The following ADAMTSL3 variants were observed in gnomAD, a reference collection of about 807,000 sequenced individuals.
The protein encoded by ADAMTSL3 is ADAMTS-like protein 3.
Under a neutral mutation model 201.7 loss-of-function variants are expected in ADAMTSL3, and 128 were observed. The observed-to-expected ratio is 0.63, with a 90% CI of 0.55 to 0.73. The LOEUF (loss-of-function observed/expected upper bound fraction) is 0.73. ADAMTSL3 is among the 30% of genes least tolerant of loss of function. The probability of loss-of-function intolerance (pLI) is 0.00; values close to 1 mark genes in which losing one functional copy is unlikely to be tolerated. For missense variants in ADAMTSL3, 1,990 were observed against 2,119.6 expected (o/e 0.94, Z 1.20); for synonymous variants, 738 against 748.4 (o/e 0.99, Z 0.23).
At chr15:83,977,720 G>A (rs1327779771) in intron 20 of ADAMTSL3, among the ~76,000 whole-genome samples, 3 of 152,198 alleles carry the variant, frequency 2.0e-5, no homozygotes, top group Non-Finnish European at 4.4e-5. Flanking sequence ...GTCACTAGGG[G>A]GCCCTTGGTT....
rs371646287 is a variant in ADAMTSL3, at chr15:83,688,753, T to TACACAC, written c.70-15635_70-15634insCACACA. 9.3e-3 allele frequency among the ~76,000 whole-genome samples: 1,373 copies of TACACAC among 147,636 alleles called. 10 individuals are homozygous for TACACAC. The highest frequency in any genetic ancestry group is 0.025 in the African/African-American group (980 of 39,974). ...AGTGTTAAGTATACACATGCATATA[T>TACACAC]ATACACACACACACACACACACACA... On this transcript the variant is annotated intron_variant, in intron 2 of 29. Transcript: ENST00000286744.
intron 5 of ADAMTSL3, among the ~76,000 whole-genome samples, chr15:83,817,034 C>A (rs1055196875): frequency 6.6e-6 from 1 of 152,198 alleles, no homozygotes; most frequent in African/African-American, 2.4e-5. Context: ...TTCAGTTTGA[C>A]TTGCTTCTAG....
chr15:83,929,709 CAG>C (rs1437256752), intron 17 of ADAMTSL3, among the ~76,000 whole-genome samples: 1 of 145,336 alleles, frequency 6.9e-6, no homozygotes, highest in South Asian at 2.2e-4. Flanking sequence ...CAGAGAGAGA[CAG>C]AGAGAGACAG....
chr15:83,657,083 G>A (rs2061096361), intron 2 of ADAMTSL3, among the ~76,000 whole-genome samples: 1 of 152,144 alleles, frequency 6.6e-6, no homozygotes, highest in Admixed American at 6.5e-5. Context: ...TGATGTTAGG[G>A]TTCTCTGGCC....
intron 4 of ADAMTSL3, among the ~76,000 whole-genome samples, chr15:83,801,677 T>A (rs189487817): frequency 0.032 from 2,316 of 72,866 alleles, 250 homozygotes; most frequent in African/African-American, 0.098. Context: ...TATATATATA[T>A]ATATATATAT....
intron 3 of ADAMTSL3, among the ~76,000 whole-genome samples, chr15:83,769,241 A>G (rs1415298093): frequency 2.6e-5 from 4 of 152,174 alleles, no homozygotes; most frequent in Non-Finnish European, 5.9e-5. Context: ...AATATATATG[A>G]TGATGTTTTT....
At chr15:83,809,384 A>G (rs1056205340) in intron 5 of ADAMTSL3, among the ~76,000 whole-genome samples, 1 of 152,184 alleles carries the variant, frequency 6.6e-6, no homozygotes, top group African/African-American at 2.4e-5. Context: ...ATGGCTCACT[A>G]GCACCCAAGC....
chr15:83,740,095 C>A, intron 3 of ADAMTSL3: 1 of 287,210 alleles, frequency 3.5e-6, no homozygotes, highest in South Asian at 4.8e-5. Context: ...GTAACTGTGC[C>A]GGTGGCCACT....
intron 23 of ADAMTSL3, among the ~76,000 whole-genome samples, chr15:84,009,966 T>C (rs1357720036): frequency 1.3e-5 from 2 of 152,224 alleles, no homozygotes; most frequent in Non-Finnish European, 2.9e-5. Context: ...TGAGATTGTT[T>C]AGGGTCTTTC....
At chr15:83,676,825 C>T (rs777404225) in intron 2 of ADAMTSL3, among the ~76,000 whole-genome samples, 1 of 152,210 alleles carries the variant, frequency 6.6e-6, no homozygotes, top group Non-Finnish European at 1.5e-5. Context: ...CCTTCTTCCA[C>T]GTGAAAACAC....
At chr15:83,893,138 A>T (rs1339351968) in intron 13 of ADAMTSL3, among the ~76,000 whole-genome samples, 1 of 152,220 alleles carries the variant, frequency 6.6e-6, no homozygotes, top group Non-Finnish European at 1.5e-5. Context: ...CAGCGTAATT[A>T]ATATTAAGTA....
At chr15:83,685,813 A>G (rs1390986422) in intron 2 of ADAMTSL3, among the ~76,000 whole-genome samples, 1 of 152,188 alleles carries the variant, frequency 6.6e-6, no homozygotes, top group Non-Finnish European at 1.5e-5. Context: ...CCAAGCATCT[A>G]GTAGATGCCT....
intron 13 of ADAMTSL3, among the ~76,000 whole-genome samples, chr15:83,895,987 T>A (rs536746502): frequency 5.5e-4 from 84 of 152,278 alleles, no homozygotes; most frequent in Non-Finnish European, 1.0e-3. Context: ...TTGAAACTTG[T>A]CCCTAGCAAC....
intron 2 of ADAMTSL3, among the ~76,000 whole-genome samples, chr15:83,656,814 C>CT (rs778216188): frequency 6.6e-5 from 10 of 152,196 alleles, no homozygotes; most frequent in Non-Finnish European, 1.5e-4. Flanking sequence ...GCTTAAATGT[C>CT]TGTTAAATAA....
rs1286624767 is a variant in ADAMTSL3 at position 83,913,361 on chromosome 15, C to T, written c.1970C>T (p.Thr657Ile). Residue 657 changes from threonine (T) to isoleucine (I), a missense_variant, in exon 16 of 30, where the codon ACA becomes ATA. Thr to Ile is a moderately conservative substitution (Grantham distance 89). Coordinates refer to ENST00000286744, the MANE Select transcript of ADAMTSL3 (RefSeq NM_207517.3). ...GAGTACGCTGGGTTCACCCCTTGCA[C>T]AGCAACATGCGTGGGAGGTATTTGA... is the stretch of plus-strand genomic sequence containing the variant. ...DWEYAGFTPC[T>I]ATCVGGHQEA... The T allele has an allele frequency of 9.3e-6, 15 of 1,613,370 alleles. No homozygotes were observed. The South Asian group carries it at 1.5e-4, about 17-fold the overall frequency.
At chr15:83,827,339 C>T (rs1596282227) in intron 6 of ADAMTSL3, among the ~76,000 whole-genome samples, 1 of 152,066 alleles carries the variant, frequency 6.6e-6, no homozygotes, top group Non-Finnish European at 1.5e-5. Context: ...TATCCTTTGC[C>T]CACTTTTTGA....
chr15:83,934,601 A>T (rs1051177485), intron 17 of ADAMTSL3, among the ~76,000 whole-genome samples: 1 of 152,136 alleles, frequency 6.6e-6, no homozygotes, highest in Non-Finnish European at 1.5e-5. Flanking sequence ...GCGAGAGGGG[A>T]TGAAATGATA....
chr15:83,826,362 A>G (rs756557376), intron 6 of ADAMTSL3, among the ~76,000 whole-genome samples: 2 of 151,490 alleles, frequency 1.3e-5, no homozygotes, highest in African/African-American at 2.4e-5. Context: ...GCTTCAAGCA[A>G]CTTTCCTACC....
chr15:83,775,976 C>G (rs2063066583), intron 4 of ADAMTSL3, among the ~76,000 whole-genome samples: 1 of 152,152 alleles, frequency 6.6e-6, no homozygotes, highest in South Asian at 2.1e-4. Flanking sequence ...ACAGGAAACC[C>G]TCACGTAAAC....
Sources: gnomAD v4.1 joint callset for allele counts (sites outside exome capture counted in the v4.1 genomes callset) on GRCh38, gnomAD v4.1.1 for gene constraint, MANE v1.5 for transcripts, NCBI Gene and HGNC (gene_info 2026-07-23, HGNC 2026-07-21) for gene names.